Variants in TPTE2 observed in about 807,000 individuals in gnomAD.
The protein encoded by TPTE2 is transmembrane phosphoinositide 3-phosphatase and tensin homolog 2, also known as phosphatidylinositol 3,4,5-trisphosphate 3-phosphatase TPTE2.
TPTE2 carries 53 observed loss-of-function variants against 78.6 expected under a neutral mutation model. The observed-to-expected ratio is 0.67, with a 90% CI of 0.54 to 0.85. The LOEUF (loss-of-function observed/expected upper bound fraction) is 0.85, where lower values mean the gene tolerates loss of function less well. Among genes scored for constraint, TPTE2 ranks in the 40% least tolerant of loss-of-function variants. The pLI, the probability that TPTE2 is intolerant of heterozygous loss-of-function variation, is 0.00. For missense variants in TPTE2, 461 were observed against 623.0 expected (o/e 0.74, Z 2.77); for synonymous variants, 175 against 206.2 (o/e 0.85, Z 1.30).
At chr13:19,488,133 T>C (rs939021787) in intron 3 of TPTE2, among the ~76,000 whole-genome samples, 3 of 152,248 alleles carry the variant, frequency 2.0e-5, no homozygotes, top group Admixed American at 6.5e-5. Flanking sequence ...TCCAGGACTA[T>C]GCCTTTGATA....
chr13:19,428,341 G>C (rs1422978249), intron 17 of TPTE2, among the ~76,000 whole-genome samples: 2 of 152,224 alleles, frequency 1.3e-5, no homozygotes, highest in South Asian at 4.2e-4. Context: ...CCAGCTACTT[G>C]GGAGGCGGAG....
At chr13:19,457,504 C>T (rs1878610552) in intron 10 of TPTE2, among the ~76,000 whole-genome samples, 1 of 152,132 alleles carries the variant, frequency 6.6e-6, no homozygotes, top group Non-Finnish European at 1.5e-5. Context: ...AGCTATTCTT[C>T]CTGATGCTCT....
chr13:19,523,325 C>T (rs1199362737), intron 1 of TPTE2, among the ~76,000 whole-genome samples: 1 of 152,132 alleles, frequency 6.6e-6, no homozygotes, highest in Admixed American at 6.5e-5. Flanking sequence ...TGAATAAATG[C>T]TCCCAAGATT....
intron 15 of TPTE2, among the ~76,000 whole-genome samples, 161 bp from the exon 19 acceptor site, chr13:19,432,739 C>A (rs1876763055): frequency 6.7e-6 from 1 of 150,106 alleles, no homozygotes; most frequent in Non-Finnish European, 1.5e-5. Context: ...AGGGATGCTG[C>A]CCCACAACTA....
intron 1 of TPTE2, among the ~76,000 whole-genome samples, chr13:19,521,187 G>C (rs1178020444): frequency 6.6e-6 from 1 of 151,948 alleles, no homozygotes; most frequent in Non-Finnish European, 1.5e-5. Context: ...TAATGAAAGT[G>C]GGGAATTGAA....
chr13:19,465,466 A>G (rs1328140820), exon 8 of TPTE2: 1 of 1,608,152 alleles, frequency 6.2e-7, no homozygotes, highest in Non-Finnish European at 8.5e-7. Flanking sequence ...CCCACTTACC[A>G]GCCTTCTCAT....
At chr13:19,493,644 TC>T in intron 1 of TPTE2, 143 bp from the exon 5 acceptor site, 1 of 783,558 alleles carries the variant, frequency 1.3e-6, no homozygotes, top group Non-Finnish European at 2.2e-6. Context: ...ACCTGGAATG[TC>T]TATTTTTCTT....
chr13:19,445,576 C>T (rs1877773519), intron 13 of TPTE2, among the ~76,000 whole-genome samples: 1 of 152,194 alleles, frequency 6.6e-6, no homozygotes, highest in South Asian at 2.1e-4. Context: ...TAAGACAGAA[C>T]AATTTTAGTC....
At chr13:19,430,519 T>C (rs1282680050) in exon 17 of TPTE2, 1 of 1,611,324 alleles carries the variant, frequency 6.2e-7, no homozygotes, top group South Asian at 1.1e-5. Flanking sequence ...TCTCCATTAC[T>C]ACTTGGACTT....
intron 13 of TPTE2, among the ~76,000 whole-genome samples, chr13:19,444,446 T>A (rs1402935060): frequency 4.0e-5 from 6 of 151,660 alleles, no homozygotes; most frequent in Non-Finnish European, 7.4e-5. Context: ...ACAGACATTT[T>A]AAAAGGATAT....
intron 10 of TPTE2, chr13:19,458,760 G>A (rs570437271): frequency 1.2e-4 from 48 of 403,576 alleles, no homozygotes; most frequent in South Asian, 7.5e-5. Context: ...AAAGATTCCC[G>A]CTCAGAAGCC....
upstream of TPTE2, among the ~76,000 whole-genome samples, chr13:19,506,384 G>A (rs530519059): frequency 2.5e-3 from 373 of 150,870 alleles, 2 homozygotes; most frequent in Non-Finnish European, 3.1e-3. Flanking sequence ...CGTTTTAGCC[G>A]GGATGGTCTC....
At chr13:19,481,481 C>T (rs148025736) in intron 4 of TPTE2, among the ~76,000 whole-genome samples, 3,852 of 152,226 alleles carry the variant, frequency 0.025, 127 homozygotes, top group African/African-American at 0.074. Context: ...AATCCAATAT[C>T]ATCCCCCTGG....
intron 3 of TPTE2, among the ~76,000 whole-genome samples, chr13:19,491,359 GAGT>G (rs1880978696): frequency 2.0e-5 from 3 of 151,988 alleles, no homozygotes; most frequent in African/African-American, 7.2e-5. Context: ...GCACCAAAAG[GAGT>G]AGATTTTCCA....
chr13:19,561,341 G>C, the TPTE2 span: 8 of 600,462 alleles, frequency 1.3e-5, no homozygotes, highest in African/African-American at 9.5e-5. Context: ...CCACCTCCTC[G>C]CGACCGGCCT....
chr13:19,431,574 C>T (rs1341771594), intron 16 of TPTE2, among the ~76,000 whole-genome samples: 5 of 152,068 alleles, frequency 3.3e-5, no homozygotes, highest in African/African-American at 1.2e-4. Context: ...ATCTCATATG[C>T]TGTTTGTTTT....
chr13:19,504,427 G>A (rs1868852492), upstream of TPTE2, among the ~76,000 whole-genome samples: 2 of 152,054 alleles, frequency 1.3e-5, no homozygotes, highest in Admixed American at 6.6e-5. Context: ...GTGTGGGCTT[G>A]TAGTGTTAGC....
At chr13:19,475,414 T>C (rs1879876071) in intron 5 of TPTE2, among the ~76,000 whole-genome samples, 159 bp downstream of exon 8, 1 of 152,056 alleles carries the variant, frequency 6.6e-6, no homozygotes, top group South Asian at 2.1e-4. Flanking sequence ...TTAGTAGAGA[T>C]GGGGTTTCAC....
chr13:19,448,043 T>C (rs1357908533), intron 13 of TPTE2, among the ~76,000 whole-genome samples: 1 of 152,134 alleles, frequency 6.6e-6, no homozygotes, highest in Non-Finnish European at 1.5e-5. Flanking sequence ...TATACTCAGC[T>C]GATGTTCAAC....
Sources: gnomAD v4.1 joint callset for allele counts (sites outside exome capture counted in the v4.1 genomes callset) on GRCh38, gnomAD v4.1.1 for gene constraint, MANE v1.5 for transcripts, NCBI Gene and HGNC (gene_info 2026-07-23, HGNC 2026-07-21) for gene names.